The following BDNF variants were observed in gnomAD, a reference collection of about 807,000 sequenced individuals.
BDNF encodes the protein brain derived neurotrophic factor.
Under a neutral mutation model 19.5 loss-of-function variants are expected in BDNF, and 1 was observed. The ratio of observed to expected loss-of-function variants is 0.05; its 90% CI spans 0.02 to 0.24. The LOEUF (loss-of-function observed/expected upper bound fraction) is 0.24. Among genes scored for constraint, BDNF ranks in the 10% least tolerant of loss-of-function variants. BDNF has a pLI of 1.00. For synonymous variants in BDNF, 100 were observed against 121.6 expected (o/e 0.82, Z 1.17); for missense variants, 195 against 317.6 (o/e 0.61, Z 2.93).
At chr11:27,692,727 A>G (rs113566403) in intron 1 of BDNF, among the ~76,000 whole-genome samples, 2,180 of 152,254 alleles carry the variant, frequency 0.014, 52 homozygotes, top group African/African-American at 0.049. Flanking sequence ...ATTAATGGAA[A>G]GTTTTCTAAC....
chr11:27,663,925 T>TC (rs1853881331), intron 1 of BDNF, among the ~76,000 whole-genome samples: 2 of 152,190 alleles, frequency 1.3e-5, no homozygotes, highest in South Asian at 4.1e-4. Flanking sequence ...TCAGACAATG[T>TC]GGTCTTTTTC....
intron 1 of BDNF, among the ~76,000 whole-genome samples, chr11:27,693,061 T>C (rs1454039619): frequency 1.3e-5 from 2 of 152,250 alleles, no homozygotes; most frequent in Admixed American, 1.3e-4. Flanking sequence ...TGCAATGCTT[T>C]CAAATTCCCT....
upstream of BDNF, among the ~76,000 whole-genome samples, chr11:27,704,599 CT>C (rs1302556579): frequency 6.6e-6 from 1 of 152,010 alleles, no homozygotes; most frequent in Non-Finnish European, 1.5e-5. Flanking sequence ...CCTAAAAAAA[CT>C]GTTGAAACTT....
At position 27,656,316 on chromosome 11, in the gene BDNF, A is replaced by G. The variant is rs1852539683; in HGVS notation, c.*1505T>C. On this transcript the variant is annotated 3_prime_UTR_variant, in exon 2 of 2. Coordinates refer to ENST00000356660, the MANE Select transcript of BDNF (RefSeq NM_001709.5). ...ACCTGCTCCAGGCTAATCCAATTTT[A>G]TGCAAAATTATCCAGAGGTGGGATG... 6.3e-6 allele frequency: 1 copy of G among 159,844 alleles called. No homozygotes were observed. Among genetic ancestry groups the G allele is most frequent in the African/African-American group, 2.4e-5 (1 of 41,564 alleles). The allele number at this position is 159,844 out of a possible 1,614,324, so 9.9% of individuals were successfully genotyped here.
intron 1 of BDNF, among the ~76,000 whole-genome samples, chr11:27,678,258 A>T (rs998618042): frequency 5.3e-5 from 8 of 152,222 alleles, no homozygotes; most frequent in African/African-American, 1.9e-4. Context: ...AGCTTTGTAC[A>T]TTGTAAAGGT....
rs1193445571 is a variant in BDNF at position 27,655,308 on chromosome 11, TA to T, written c.*2512del. 1 of 152,568 alleles carries T rather than the reference TA, an allele frequency of 6.6e-6. No individual in the cohort carries two copies. The highest frequency in any genetic ancestry group is 2.4e-5 in the African/African-American group (1 of 41,440). 9.5% of individuals were successfully genotyped at this position (152,568 alleles called of 1,614,324 possible). A position where few individuals can be genotyped will look rare whatever the true frequency, so the allele number is the denominator to read the frequency against. The stretch of plus-strand genomic sequence containing the variant: ...TAACAAAATAAATCTTAGGTCAACA[TA>T]AACCATCAAGCATGTGACTGTGATG... On this transcript the variant is annotated 3_prime_UTR_variant, in exon 2 of 2. Coordinates refer to ENST00000356660, the MANE Select transcript of BDNF (RefSeq NM_001709.5).
Position 27,658,737 on chromosome 11 carries a change from A to T in BDNF, c.-21-152T>A. On this transcript the variant is annotated intron_variant, in intron 1 of 1. Coordinates refer to ENST00000356660, the MANE Select transcript of BDNF (RefSeq NM_001709.5). The surrounding 1 kb of genome is among the most constrained non-coding windows in gnomAD (Gnocchi z 5.7). Reference sequence around the variant, plus strand: ...GATAAACTCCAGCTGCACCAGACACAAATCAGTGTCAGTAGTGTGCTGTAT... The same window carrying T: ...GATAAACTCCAGCTGCACCAGACACTAATCAGTGTCAGTAGTGTGCTGTAT... The T allele has an allele frequency of 6.5e-7, 1 of 1,538,756 alleles. No homozygotes were observed.
chr11:27,720,629 G>A (rs2134119020), intron 1 of BDNF: 5 of 985,470 alleles, frequency 5.1e-6, no homozygotes, highest in Non-Finnish European at 6.0e-6. Context: ...TTTACAGCGG[G>A]GCCAAGAAGA....
At chr11:27,689,253 A>G (rs1457896070) in intron 1 of BDNF, among the ~76,000 whole-genome samples, 3 of 152,176 alleles carry the variant, frequency 2.0e-5, no homozygotes, top group Admixed American at 1.3e-4. Flanking sequence ...GGTTAGGTGA[A>G]GTCACTGGGC....
At chr11:27,682,834 G>A (rs1236282797) in intron 1 of BDNF, among the ~76,000 whole-genome samples, 1 of 152,120 alleles carries the variant, frequency 6.6e-6, no homozygotes, top group Non-Finnish European at 1.5e-5. Context: ...TTGGTTCCAA[G>A]TCTTTGCTAT....
At chr11:27,704,092 CTCT>C (rs778603303), upstream of BDNF, among the ~76,000 whole-genome samples, 18 of 152,144 alleles carry the variant, frequency 1.2e-4, no homozygotes, top group Middle Eastern at 3.2e-3. Flanking sequence ...GCATGCATTT[CTCT>C]TCTTCTTAAA....
rs777209031 is a variant in BDNF at position 27,658,606 on chromosome 11, C to T, written c.-21-21G>A. The T allele has an allele frequency of 1.2e-5, 20 of 1,614,048 alleles. No individual in the cohort carries two copies. The highest frequency in any genetic ancestry group is 1.6e-4 in the Middle Eastern group (1 of 6,084). Reference sequence around the variant, plus strand: ...TGGAACTGTAGGGAGAAAGCAGAAACAAGACAGAAAACTGGTTAGGGCTTT... The same window carrying T: ...TGGAACTGTAGGGAGAAAGCAGAAATAAGACAGAAAACTGGTTAGGGCTTT... On this transcript the variant is annotated intron_variant, in intron 1 of 1. Transcript: ENST00000356660. The surrounding 1 kb of genome is among the most constrained non-coding windows in gnomAD (Gnocchi z 5.7).
intron 1 of BDNF, chr11:27,677,472 C>G (rs556204727): frequency 4.9e-5 from 7 of 142,576 alleles, no homozygotes; most frequent in Non-Finnish European, 9.1e-5. Flanking sequence ...AATGGTGGAG[C>G]TTGCGGTGAG....
At chr11:27,716,518 CAAAG>C (rs1196052193) in intron 1 of BDNF, among the ~76,000 whole-genome samples, 2 of 149,282 alleles carry the variant, frequency 1.3e-5, no homozygotes, top group Admixed American at 1.3e-4. Context: ...AGACACCAGC[CAAAG>C]AAAGATAATT....
intron 1 of BDNF, among the ~76,000 whole-genome samples, chr11:27,689,120 G>A (rs1744945590): frequency 6.6e-6 from 1 of 152,222 alleles, no homozygotes; most frequent in Non-Finnish European, 1.5e-5. Context: ...GTAGGCCAGG[G>A]TGACAATATC....
chr11:27,721,066 T>C lies in BDNF; in HGVS notation c.3+346A>G, dbSNP rs756324683. 2.1e-5 allele frequency among the ~76,000 whole-genome samples: 3 copies of C among 140,588 alleles called. No homozygotes were observed. In the Admixed American group the frequency reaches 2.3e-4, roughly 11 times the overall value. 92.2% of individuals were successfully genotyped at this position (140,588 alleles called of 152,430 possible). A position where few individuals can be genotyped will look rare whatever the true frequency, so the allele number is the denominator to read the frequency against. On this transcript the variant is annotated intron_variant, in intron 1 of 1. Transcript: ENST00000314915. ...AGATGGAAATTAACCCCCTTGCAAA[T>C]GTCAATTACATGCCCACATATAAAT...
chr11:27,674,656 G>A (rs760050759), intron 1 of BDNF: 7 of 985,326 alleles, frequency 7.1e-6, no homozygotes, highest in Non-Finnish European at 8.4e-6. Flanking sequence ...GCACCTATAT[G>A]GAAACATTCA....
intron 1 of BDNF, among the ~76,000 whole-genome samples, chr11:27,706,792 A>G (rs1309695435): frequency 6.6e-6 from 1 of 152,226 alleles, no homozygotes; most frequent in Non-Finnish European, 1.5e-5. Context: ...AGATTGACAA[A>G]TCTTCCCTTT....
Position 27,657,070 on chromosome 11 carries a change from A to C in BDNF, c.*751T>G, listed in dbSNP as rs760827746. On this transcript the variant is annotated 3_prime_UTR_variant, in exon 2 of 2. Coordinates refer to ENST00000356660, the MANE Select transcript of BDNF (RefSeq NM_001709.5). The surrounding 1 kb of genome is among the most constrained non-coding windows in gnomAD (Gnocchi z 5.0). ...CTGGGAGGTGCATCACGGGATGTGGAGTGTGAGCATTTTTTTGTTCAGTTG... is the reference window on the plus strand; with the variant it reads ...CTGGGAGGTGCATCACGGGATGTGGCGTGTGAGCATTTTTTTGTTCAGTTG... 3.0e-5 allele frequency: 30 copies of C among 985,656 alleles called. No homozygotes were observed. Among genetic ancestry groups the C allele is most frequent in the Non-Finnish European group, 3.5e-5 (29 of 830,038 alleles). 61.1% of individuals were successfully genotyped at this position (985,656 alleles called of 1,614,324 possible).
Sources: allele counts gnomAD v4.1 joint callset (sites outside exome capture counted in the v4.1 genomes callset), GRCh38; gene constraint gnomAD v4.1.1; non-coding constraint Gnocchi (gnomAD v3.1); transcripts MANE v1.5; gene names NCBI Gene and HGNC (gene_info 2026-07-23, HGNC 2026-07-21).